The following UBE2K variants were observed in gnomAD, a reference collection of about 807,000 sequenced individuals.
The protein encoded by UBE2K is ubiquitin-conjugating enzyme E2 K.
In UBE2K, 6 loss-of-function variants were observed where a neutral mutation model predicts 30.0. The observed-to-expected ratio is 0.20, with a 90% CI of 0.11 to 0.39. UBE2K has a LOEUF of 0.39. Ranked by LOEUF, UBE2K falls within the 10% of genes least tolerant of loss-of-function variation. UBE2K has a pLI of 1.00. For missense variants in UBE2K, 61 were observed against 241.6 expected (o/e 0.25, Z 4.96); for synonymous variants, 86 against 83.7 (o/e 1.03, Z -0.15).
chr4:39,733,708 T>A (rs1474485436), intron 1 of UBE2K, among the ~76,000 whole-genome samples: 1 of 152,128 alleles, frequency 6.6e-6, no homozygotes, highest in African/African-American at 2.4e-5. Flanking sequence ...GAAACTTAAT[T>A]CTGAAAGTAT....
rs1009211405 is a variant in UBE2K, at chr4:39,777,928, C to T, written c.528+118C>T. ...GAAATTCGCAGCCTGGGCAACATGGCGAAACCCATCTCTACAAAAATTAGC... is the reference window on the plus strand; with the variant it reads ...GAAATTCGCAGCCTGGGCAACATGGTGAAACCCATCTCTACAAAAATTAGC... On this transcript the variant is annotated intron_variant, in intron 6 of 6. Transcript: ENST00000261427. 5.0e-5 allele frequency: 46 copies of T among 925,712 alleles called. 1 individual carries two copies. Among genetic ancestry groups the T allele is most frequent in the Non-Finnish European group, 6.3e-5 (42 of 666,212 alleles). The allele number at this position is 925,712 out of a possible 1,614,324, so 57.3% of individuals were successfully genotyped here.
At chr4:39,757,920 A>G (rs892107705) in intron 4 of UBE2K, among the ~76,000 whole-genome samples, 1 of 152,094 alleles carries the variant, frequency 6.6e-6, no homozygotes, top group African/African-American at 2.4e-5. Flanking sequence ...GCTCCTTTCT[A>G]GCTGCACTCA....
rs541288271 is a variant in UBE2K, at chr4:39,749,839, T to C, written c.216+4029T>C. 3.9e-5 allele frequency among the ~76,000 whole-genome samples: 6 copies of C among 152,324 alleles called. No individual in the cohort carries two copies. In the East Asian group the frequency reaches 9.6e-4, roughly 24 times the overall value. Reference sequence around the variant, plus strand: ...ATTCAAAATAGCATTTTCTTTTGTATGATAAGGGAGTTAAAGCTGGCTTAA... The same window carrying C: ...ATTCAAAATAGCATTTTCTTTTGTACGATAAGGGAGTTAAAGCTGGCTTAA... On this transcript the variant is annotated intron_variant, in intron 3 of 6. Transcript: ENST00000261427.
intron 1 of UBE2K, among the ~76,000 whole-genome samples, chr4:39,706,557 C>G (rs573658100): frequency 6.6e-6 from 1 of 151,356 alleles, no homozygotes; most frequent in Middle Eastern, 3.5e-3. Context: ...ACTGCAGCCA[C>G]CACCTCCCAG....
chr4:39,726,612 G>A (rs1012377059), intron 1 of UBE2K, among the ~76,000 whole-genome samples: 12 of 151,906 alleles, frequency 7.9e-5, no homozygotes, highest in African/African-American at 2.9e-4. Context: ...TTTGTTTGTT[G>A]TTTGAGATGG....
intron 2 of UBE2K, among the ~76,000 whole-genome samples, chr4:39,737,951 C>G (rs745308982): frequency 6.6e-6 from 1 of 152,072 alleles, no homozygotes; most frequent in Non-Finnish European, 1.5e-5. Flanking sequence ...TTCATACAGG[C>G]TGTAGTCCAA....
chr4:39,740,430 T>C lies in UBE2K; in HGVS notation c.157+2917T>C, dbSNP rs188758787. ...GGTGGTGGGCGCCTGTGGTCCCAGC[T>C]ACTCGGGAGGCTGAGGCAGGAGAAT... On this transcript the variant is annotated intron_variant, in intron 2 of 6. Coordinates refer to ENST00000261427, the MANE Select transcript of UBE2K (RefSeq NM_005339.5). 2.5e-3 allele frequency among the ~76,000 whole-genome samples: 386 copies of C among 152,034 alleles called. 2 individuals are homozygous for C. The highest frequency in any genetic ancestry group is 9.0e-3 in the African/African-American group (373 of 41,476).
At chr4:39,714,148 G>C (rs1475586655) in intron 1 of UBE2K, 1 of 152,656 alleles carries the variant, frequency 6.6e-6, no homozygotes, top group African/African-American at 2.4e-5. Flanking sequence ...TGATCCTCCC[G>C]CCTCTGCTTC....
In UBE2K at chr4:39,768,115, T is replaced by G. The variant is rs534530767; in HGVS notation, c.300-6719T>G. Among the ~76,000 whole-genome samples, 5 of 152,206 alleles carry G rather than the reference T, an allele frequency of 3.3e-5. No individual in the cohort carries two copies. The South Asian group carries it at 6.2e-4, about 19-fold the overall frequency. On this transcript the variant is annotated intron_variant, in intron 4 of 6. Transcript: ENST00000261427. ...AATTACTCAAACTATCAAATGAAAT[T>G]AGAGAAAGAATTTCCCCTTGTTATT...
Position 39,751,106 on chromosome 4 carries a change from CTTG to C in UBE2K, c.217-4548_217-4546del, listed in dbSNP as rs1212926807. On this transcript the variant is annotated intron_variant, in intron 3 of 6. Transcript: ENST00000261427. ...ATTCAAAATTCTTTTTTCTTTTCTTCTTGTTTTTTTTTTTCAAATAGGGACGGG... is the reference window on the plus strand; with the variant it reads ...ATTCAAAATTCTTTTTTCTTTTCTTCTTTTTTTTTTTCAAATAGGGACGGG... Among the ~76,000 whole-genome samples the C allele has an allele frequency of 1.1e-4, 17 of 149,622 alleles. No homozygotes were observed. The East Asian group carries it at 3.4e-3, about 30-fold the overall frequency.
chr4:39,720,704 T>C (rs1258086647), intron 1 of UBE2K, among the ~76,000 whole-genome samples: 2 of 152,186 alleles, frequency 1.3e-5, no homozygotes, highest in Non-Finnish European at 2.9e-5. Context: ...CATTTTACAA[T>C]GAATAATGGA....
intron 1 of UBE2K, among the ~76,000 whole-genome samples, chr4:39,707,556 T>TG (rs1280278674): frequency 6.7e-6 from 1 of 149,852 alleles, no homozygotes; most frequent in African/African-American, 2.5e-5. Flanking sequence ...TTTTTTGAGA[T>TG]GGGGTCTCAC....
At chr4:39,747,524 CT>C (rs1386809226) in intron 3 of UBE2K, among the ~76,000 whole-genome samples, 5 of 152,152 alleles carry the variant, frequency 3.3e-5, no homozygotes, top group Non-Finnish European at 7.3e-5. Flanking sequence ...GTCAGAATTT[CT>C]TTGTTTTTAA....
intron 4 of UBE2K, among the ~76,000 whole-genome samples, chr4:39,768,820 G>A (rs1229317351): frequency 6.6e-6 from 1 of 152,022 alleles, no homozygotes; most frequent in Non-Finnish European, 1.5e-5. Context: ...TATAGTAGCC[G>A]TTCTAACGAG....
chr4:39,741,916 T>C (rs12645756), intron 2 of UBE2K, among the ~76,000 whole-genome samples: 15,870 of 152,226 alleles, frequency 0.1, 1,096 homozygotes, highest in East Asian at 0.22. Flanking sequence ...AAAACTATTA[T>C]AATATGAATA....
chr4:39,767,299 G>GTTTTTTTT (rs71194918), intron 4 of UBE2K, among the ~76,000 whole-genome samples: 1 of 139,796 alleles, frequency 7.2e-6, no homozygotes, highest in African/African-American at 2.7e-5. Flanking sequence ...CTTTTTTTCT[G>GTTTTTTTT]TTTTTTTTTT....
intron 3 of UBE2K, among the ~76,000 whole-genome samples, chr4:39,755,339 T>C (rs1459794888): frequency 6.6e-6 from 1 of 152,226 alleles, no homozygotes; most frequent in East Asian, 1.9e-4. Flanking sequence ...ACTATTTTAT[T>C]TACCAAAATG....
At chr4:39,772,846 C>T (rs991427187) in intron 4 of UBE2K, among the ~76,000 whole-genome samples, 6 of 151,678 alleles carry the variant, frequency 4.0e-5, no homozygotes, top group Admixed American at 6.6e-5. Context: ...TGCCACCACG[C>T]CCAGCTAATT....
At position 39,762,199 on chromosome 4, in the gene UBE2K, T is replaced by TAAA. The variant is rs1173014540; in HGVS notation, c.299+6462_299+6463insAAA. On this transcript the variant is annotated intron_variant, in intron 4 of 6. Transcript: ENST00000261427. ...CATCTCAGTAAAATAATAATAATAA[T>TAAA]AATAATAATAAATCTTGAAATTTAT... is the stretch of plus-strand genomic sequence containing the variant. 5.4e-5 allele frequency among the ~76,000 whole-genome samples: 8 copies of TAAA among 149,434 alleles called. No homozygotes were observed. In the East Asian group the frequency reaches 1.6e-3, roughly 29 times the overall value.
Sources: gnomAD v4.1 joint callset for allele counts (sites outside exome capture counted in the v4.1 genomes callset) on GRCh38, gnomAD v4.1.1 for gene constraint, MANE v1.5 for transcripts, NCBI Gene and HGNC (gene_info 2026-07-23, HGNC 2026-07-21) for gene names.